The following CPPED1 variants were observed in gnomAD, a reference collection of about 807,000 sequenced individuals.
CPPED1 encodes the protein serine/threonine-protein phosphatase CPPED1.
A neutral mutation model predicts 28.0 loss-of-function variants in CPPED1; 28 were observed. The ratio of observed to expected loss-of-function variants is 1.00; its 90% CI spans 0.74 to 1.37. The LOEUF is 1.37. Ranked by LOEUF, CPPED1 falls within the 40% of genes most tolerant of loss-of-function variation. The pLI is 0.00. For missense variants in CPPED1, 504 were observed against 416.5 expected (o/e 1.21, Z -1.83); for synonymous variants, 198 against 180.2 (o/e 1.10, Z -0.79).
intron 3 of CPPED1, among the ~76,000 whole-genome samples, chr16:12,700,005 T>C (rs949985904): frequency 6.6e-6 from 1 of 152,210 alleles, no homozygotes; most frequent in Non-Finnish European, 1.5e-5. Context: ...CTACATGAGC[T>C]TCCAAGCCCA....
chr16:12,777,406 T>C (rs143967669), intron 2 of CPPED1, among the ~76,000 whole-genome samples: 208 of 152,252 alleles, frequency 1.4e-3, no homozygotes, highest in African/African-American at 4.8e-3. Context: ...AACCAGTGGG[T>C]CGATACCTCA....
chr16:12,779,649 C>CTT (rs2080518121), intron 2 of CPPED1, among the ~76,000 whole-genome samples: 2 of 152,050 alleles, frequency 1.3e-5, no homozygotes, highest in African/African-American at 4.8e-5. Context: ...CCCGGCCTCC[C>CTT]AAAGCACATA....
intron 2 of CPPED1, among the ~76,000 whole-genome samples, chr16:12,711,123 T>C (rs531497494): frequency 1.3e-5 from 2 of 152,214 alleles, no homozygotes; most frequent in African/African-American, 2.4e-5. Context: ...CGAACTGTGG[T>C]ATATCCATAC....
At position 12,679,328 on chromosome 16, in the gene CPPED1, G is replaced by C. The variant is rs551632011; in HGVS notation, c.716-14213C>G. ...TCCTTTTCTTGCATCTTTTCTGTAA[G>C]CTTGAAAATATTTCCAAATAAAATG... On this transcript the variant is annotated intron_variant, in intron 3 of 3. Coordinates refer to ENST00000381774, the MANE Select transcript of CPPED1 (RefSeq NM_018340.3). Among the ~76,000 whole-genome samples the C allele has an allele frequency of 1.4e-4, 21 of 152,224 alleles. No homozygotes were observed. The East Asian group carries it at 1.9e-3, about 14-fold the overall frequency.
rs986616170 is a variant in CPPED1, at chr16:12,660,567, G to A, written c.*4319C>T. On this transcript the variant is annotated 3_prime_UTR_variant, in exon 4 of 4. Transcript: ENST00000381774. ...AAAAAATACATAAGAGCTCCTCCAT[G>A]GCTTGAGAATATTTTATGAAGTTAT... 6.6e-6 allele frequency: 1 copy of A among 151,228 alleles called. No individual in the cohort carries two copies. Among genetic ancestry groups the A allele is most frequent in the Non-Finnish European group, 1.5e-5 (1 of 67,916 alleles). 9.4% of individuals were successfully genotyped at this position (151,228 alleles called of 1,614,324 possible).
At chr16:12,678,030 C>T (rs1314722916) in intron 3 of CPPED1, among the ~76,000 whole-genome samples, 3 of 152,122 alleles carry the variant, frequency 2.0e-5, no homozygotes, top group Admixed American at 1.3e-4. Context: ...GGAAGGCCAC[C>T]CTCACTAATA....
At chr16:12,691,524 T>G (rs2079962690) in intron 3 of CPPED1, among the ~76,000 whole-genome samples, 1 of 152,126 alleles carries the variant, frequency 6.6e-6, no homozygotes, top group African/African-American at 2.4e-5. Flanking sequence ...ATATGTTTAT[T>G]GCGGCATTAT....
At chr16:12,706,599 T>G (rs2080052403) in intron 2 of CPPED1, among the ~76,000 whole-genome samples, 3 of 147,452 alleles carry the variant, frequency 2.0e-5, no homozygotes, top group Non-Finnish European at 4.5e-5. Context: ...GACTCCATGG[T>G]TCTGGGGCTT....
chr16:12,695,734 C>T (rs1367116746), intron 3 of CPPED1, among the ~76,000 whole-genome samples: 1 of 152,210 alleles, frequency 6.6e-6, no homozygotes, highest in African/African-American at 2.4e-5. Flanking sequence ...AGTTGTAACC[C>T]ATCTGGCTGT....
intron 2 of CPPED1, among the ~76,000 whole-genome samples, chr16:12,727,696 T>C (rs771040475): frequency 6.6e-6 from 1 of 152,124 alleles, no homozygotes; most frequent in Non-Finnish European, 1.5e-5. Flanking sequence ...GTAATGTTAA[T>C]TCCTCAAATA....
At chr16:12,790,643 G>A (rs573401298) in intron 1 of CPPED1, among the ~76,000 whole-genome samples, 79 of 152,164 alleles carry the variant, frequency 5.2e-4, no homozygotes, top group African/African-American at 1.7e-3. Context: ...CACATTGGCC[G>A]GTCGCGGTGG....
intron 3 of CPPED1, among the ~76,000 whole-genome samples, chr16:12,687,838 T>C (rs1307858490): frequency 6.6e-6 from 1 of 152,102 alleles, no homozygotes; most frequent in Non-Finnish European, 1.5e-5. Flanking sequence ...ACTCAATTAA[T>C]TGAACAGATG....
At chr16:12,777,922 T>C (rs2080507518) in intron 2 of CPPED1, among the ~76,000 whole-genome samples, 1 of 151,528 alleles carries the variant, frequency 6.6e-6, no homozygotes, top group Admixed American at 6.6e-5. Context: ...TTTTTTTTCT[T>C]TTTTTGAGAT....
intron 2 of CPPED1, among the ~76,000 whole-genome samples, chr16:12,707,247 A>ACTT (rs754520753): frequency 6.6e-6 from 1 of 151,972 alleles, no homozygotes; most frequent in African/African-American, 2.4e-5. Context: ...CGCCCCTCTC[A>ACTT]CTTCTTCTTC....
Position 12,661,248 on chromosome 16 carries a change from T to A in CPPED1, c.*3638A>T, listed in dbSNP as rs913681753. ...CAGTTGTATACACCGTAGTGTCTTT[T>A]ACAGGTATATAAGGTCAATGGCCCT... On this transcript the variant is annotated 3_prime_UTR_variant, in exon 4 of 4. Transcript: ENST00000381774. 1.3e-5 allele frequency: 2 copies of A among 152,258 alleles called. No individual in the cohort carries two copies. The highest frequency in any genetic ancestry group is 2.9e-5 in the Non-Finnish European group (2 of 68,046). The allele number at this position is 152,258 out of a possible 1,614,324, so 9.4% of individuals were successfully genotyped here. A position where few individuals can be genotyped will look rare whatever the true frequency, so the allele number is the denominator to read the frequency against.
chr16:12,780,263 T>C (rs1156367506), intron 2 of CPPED1, among the ~76,000 whole-genome samples: 1 of 152,116 alleles, frequency 6.6e-6, no homozygotes, highest in Admixed American at 6.5e-5. Flanking sequence ...CACTGCAACC[T>C]CCGCCTCCTG....
Position 12,726,529 on chromosome 16 carries a change from G to C in CPPED1, c.290-21480C>G, listed in dbSNP as rs564946858. Among the ~76,000 whole-genome samples, 5 of 151,970 alleles carry C rather than the reference G, an allele frequency of 3.3e-5. 1 individual carries two copies. The highest frequency in any genetic ancestry group is 1.2e-4 in the African/African-American group (5 of 41,448). On this transcript the variant is annotated intron_variant, in intron 2 of 3. Transcript: ENST00000381774. ...AGCTAATTTTTGAATTTTTAGTAGA[G>C]ACGGGGTTTCACCCTGTTGGGCAGG...
chr16:12,699,591 G>A (rs921632372), intron 3 of CPPED1, among the ~76,000 whole-genome samples: 1 of 152,152 alleles, frequency 6.6e-6, no homozygotes, highest in Non-Finnish European at 1.5e-5. Flanking sequence ...TATTCATCAA[G>A]CTTGCTGGAA....
At position 12,682,081 on chromosome 16, in the gene CPPED1, T is replaced by G. The variant is rs556121473; in HGVS notation, c.716-16966A>C. Among the ~76,000 whole-genome samples, 3 of 152,256 alleles carry G rather than the reference T, an allele frequency of 2.0e-5. No homozygotes were observed. Among genetic ancestry groups the G allele is most frequent in the Admixed American group, 6.5e-5 (1 of 15,300 alleles). On this transcript the variant is annotated intron_variant, in intron 3 of 3. Transcript: ENST00000381774. The surrounding 1 kb of genome is among the most constrained non-coding windows in gnomAD (Gnocchi z 6.1). ...CAGTGTCTCTCTCGGTCGCCTATGT[T>G]GGAGTGCAGTGGCGCGATCTTGGCT...
Sources: gnomAD v4.1 joint callset for allele counts (sites outside exome capture counted in the v4.1 genomes callset) on GRCh38, gnomAD v4.1.1 for gene constraint, Gnocchi (gnomAD v3.1) non-coding constraint, MANE v1.5 for transcripts, NCBI Gene and HGNC (gene_info 2026-07-23, HGNC 2026-07-21) for gene names.